Variants in KNTC1 observed in about 807,000 individuals in gnomAD.
KNTC1 encodes kinetochore associated 1.
Under a neutral mutation model 314.4 loss-of-function variants are expected in KNTC1, and 253 were observed. That is an observed-to-expected ratio of 0.80 (90% CI 0.73 to 0.89). The LOEUF is 0.89. Among genes scored for constraint, KNTC1 ranks in the 40% least tolerant of loss-of-function variants. The pLI, the probability that KNTC1 is intolerant of heterozygous loss-of-function variation, is 0.00. For missense variants in KNTC1, 2,475 were observed against 2,572.9 expected (o/e 0.96, Z 0.82); for synonymous variants, 901 against 901.4 (o/e 1.00, Z 0.01).
At chr12:122,616,937 T>C (rs1873828760) in intron 57 of KNTC1, among the ~76,000 whole-genome samples, 1 of 152,158 alleles carries the variant, frequency 6.6e-6, no homozygotes, top group African/African-American at 2.4e-5. Context: ...TTACTTTCTG[T>C]CCATGGATTT....
intron 18 of KNTC1, among the ~76,000 whole-genome samples, chr12:122,559,993 G>A (rs1296432864): frequency 6.6e-6 from 1 of 152,082 alleles, no homozygotes; most frequent in African/African-American, 2.4e-5. Context: ...ATTAAACACA[G>A]ACTTCCCATT....
chr12:122,545,056 T>A (rs529135974), intron 8 of KNTC1, among the ~76,000 whole-genome samples: 2 of 152,334 alleles, frequency 1.3e-5, no homozygotes, highest in South Asian at 4.1e-4. Context: ...TATACATTGC[T>A]GTATAATGTC....
At chr12:122,595,930 A>G (rs1870972891) in intron 43 of KNTC1, among the ~76,000 whole-genome samples, 1 of 152,240 alleles carries the variant, frequency 6.6e-6, no homozygotes, top group Non-Finnish European at 1.5e-5. Flanking sequence ...GATAAACTTT[A>G]GAATATCAGA....
intron 21 of KNTC1, among the ~76,000 whole-genome samples, chr12:122,569,089 A>G (rs1457336856): frequency 6.6e-6 from 1 of 152,196 alleles, no homozygotes; most frequent in Non-Finnish European, 1.5e-5. Flanking sequence ...CTGGGTGATG[A>G]AATAATCTGT....
rs79130724 is a variant in KNTC1, at chr12:122,596,023, A to G, written c.4355+1638A>G. ...TAGCAAATTAAACTATCACTGTGTT[A>G]TTAATAGGGTCTAAAAAGGCATTTC... On this transcript the variant is annotated intron_variant, in intron 43 of 63. Coordinates refer to ENST00000333479, the MANE Select transcript of KNTC1 (RefSeq NM_014708.6). Among the ~76,000 whole-genome samples, 1,286 of 150,242 alleles carry G rather than the reference A, an allele frequency of 8.6e-3. 17 individuals carry two copies. The highest frequency in any genetic ancestry group is 0.03 in the African/African-American group (1,243 of 40,866).
chr12:122,602,242 G>T (rs1424835995), intron 45 of KNTC1, among the ~76,000 whole-genome samples: 1 of 151,940 alleles, frequency 6.6e-6, no homozygotes, highest in Non-Finnish European at 1.5e-5. Flanking sequence ...TAGATCTGTA[G>T]CCTCTATATT....
chr12:122,571,586 C>A (rs548100875), intron 24 of KNTC1, among the ~76,000 whole-genome samples: 5 of 152,104 alleles, frequency 3.3e-5, no homozygotes, highest in Non-Finnish European at 7.4e-5. Context: ...CTTGAACTCC[C>A]AGACCCAAGT....
intron 3 of KNTC1, among the ~76,000 whole-genome samples, chr12:122,535,202 G>A (rs1225252806): frequency 6.6e-6 from 1 of 152,088 alleles, no homozygotes; most frequent in African/African-American, 2.4e-5. Context: ...GAGCTACAAG[G>A]CTTCAAGTAC....
In KNTC1 at chr12:122,622,563, C is replaced by G. The variant is rs1271260774; in HGVS notation, c.6471C>G (p.Thr2157=). 6.4e-7 allele frequency: 1 copy of G among 1,565,848 alleles called. No individual in the cohort carries two copies. The highest frequency in any genetic ancestry group is 1.4e-5 in the African/African-American group (1 of 73,610). Residue 2157 remains threonine (T), a synonymous_variant, in exon 62 of 64, where the codon ACC becomes ACG. Coordinates refer to ENST00000333479, the MANE Select transcript of KNTC1 (RefSeq NM_014708.6). The part of the protein sequence containing the change: ...FQMLKMHAMN[T]NNITELVNYL... ...TGTTGAAGATGCATGCGATGAATACCAACAATATCACTGAGCTAGTGAACT... is the reference window on the plus strand; with the variant it reads ...TGTTGAAGATGCATGCGATGAATACGAACAATATCACTGAGCTAGTGAACT...
chr12:122,598,791 C>A (rs533771157), intron 44 of KNTC1, among the ~76,000 whole-genome samples: 3 of 151,302 alleles, frequency 2.0e-5, no homozygotes, highest in Non-Finnish European at 4.4e-5. Context: ...TTTAACCAGG[C>A]TTTTATGGTT....
intron 48 of KNTC1, among the ~76,000 whole-genome samples, chr12:122,604,252 A>G (rs1487440498): frequency 6.8e-6 from 1 of 147,246 alleles, no homozygotes; most frequent in African/African-American, 2.5e-5. Context: ...GGCTCACTGC[A>G]ACCTCTGCCT....
intron 12 of KNTC1, among the ~76,000 whole-genome samples, chr12:122,548,576 A>T (rs1962960356): frequency 6.6e-6 from 1 of 152,194 alleles, no homozygotes; most frequent in Admixed American, 6.6e-5. Flanking sequence ...TTCACCTTAA[A>T]TACAAACTGT....
rs1273257174 is a variant in KNTC1, at chr12:122,575,859, A to G, written c.2546A>G (p.Tyr849Cys). 12 of 1,613,462 alleles carry G rather than the reference A, an allele frequency of 7.4e-6. No homozygotes were observed. The Admixed American group carries it at 1.0e-4, about 13-fold the overall frequency. Residue 849 changes from tyrosine to cysteine, a missense_variant, in exon 29 of 64, where the codon TAT becomes TGT. Tyr to Cys is a radical substitution (Grantham distance 194, BLOSUM62 -2). Transcript: ENST00000333479. The part of the protein sequence containing the change: ...LMEMKKLLRG[Y>C]GIREVNLLNK... Reference sequence around the variant, plus strand: ...GAGATGAAAAAACTTTTACGAGGCTATGGAATAAGAGAGGTAAATCTCTTA... The same window carrying G: ...GAGATGAAAAAACTTTTACGAGGCTGTGGAATAAGAGAGGTAAATCTCTTA...
chr12:122,579,643 A>T (rs1016098962), intron 31 of KNTC1, among the ~76,000 whole-genome samples: 1 of 152,174 alleles, frequency 6.6e-6, no homozygotes, highest in Non-Finnish European at 1.5e-5. Context: ...GCGAATAAGG[A>T]TCTATTAATC....
At chr12:122,559,951 CT>C (rs1225722015) in intron 18 of KNTC1, among the ~76,000 whole-genome samples, 1 of 152,208 alleles carries the variant, frequency 6.6e-6, no homozygotes, top group African/African-American at 2.4e-5. Context: ...CTCCCCAACT[CT>C]TTTCATCGTT....
intron 62 of KNTC1, among the ~76,000 whole-genome samples, chr12:122,623,268 A>G (rs1874633739): frequency 1.3e-5 from 2 of 152,190 alleles, no homozygotes; most frequent in Non-Finnish European, 2.9e-5. Context: ...AGCACCCACA[A>G]GTTTAGAAAC....
rs1964981025 is a variant in KNTC1, at chr12:122,575,863, A to G, written c.2550A>G (p.Gly850=). The part of the protein sequence containing the change: ...MEMKKLLRGY[G]IREVNLLNKE... ...TGAAAAAACTTTTACGAGGCTATGGAATAAGAGAGGTAAATCTCTTAAACA... is the reference window on the plus strand; with the variant it reads ...TGAAAAAACTTTTACGAGGCTATGGGATAAGAGAGGTAAATCTCTTAAACA... Residue 850 remains glycine, a synonymous_variant, in exon 29 of 64, where the codon GGA becomes GGG. Transcript: ENST00000333479. The G allele has an allele frequency of 6.2e-7, 1 of 1,613,176 alleles. No individual in the cohort carries two copies. The highest frequency in any genetic ancestry group is 8.5e-7 in the Non-Finnish European group (1 of 1,179,692).
intron 43 of KNTC1, among the ~76,000 whole-genome samples, chr12:122,594,711 C>T (rs1449211694): frequency 3.9e-5 from 6 of 152,174 alleles, no homozygotes; most frequent in African/African-American, 1.4e-4. Flanking sequence ...CTAATAGGAG[C>T]TCAGGTGATT....
chr12:122,600,784 G>A (rs1399143670), intron 44 of KNTC1, among the ~76,000 whole-genome samples: 2 of 151,724 alleles, frequency 1.3e-5, no homozygotes, highest in Non-Finnish European at 2.9e-5. Context: ...TCCTGCCTCC[G>A]CCTCCCAAGT....
Sources: gnomAD v4.1 joint callset for allele counts (sites outside exome capture counted in the v4.1 genomes callset) on GRCh38, gnomAD v4.1.1 for gene constraint, MANE v1.5 for transcripts, NCBI Gene and HGNC (gene_info 2026-07-23, HGNC 2026-07-21) for gene names.